ZZEF1: variants seen among roughly 807,000 people sequenced by gnomAD.
ZZEF1 encodes the protein zinc finger ZZ-type and EF-hand domain-containing protein 1.
In ZZEF1, 157 loss-of-function variants were observed where a neutral mutation model predicts 342.8. That is an observed-to-expected ratio of 0.46 (90% CI 0.40 to 0.52). ZZEF1 has a LOEUF of 0.52. ZZEF1 is among the 20% of genes least tolerant of loss of function. The pLI is 0.00. For synonymous variants in ZZEF1, 1,505 were observed against 1,429.1 expected, an observed-to-expected ratio of 1.05 and a Z score of -1.20; for missense variants, 3,480 against 3,725.6, an observed-to-expected ratio of 0.93 and a Z score of 1.72.
intron 12 of ZZEF1, among the ~76,000 whole-genome samples, chr17:4,089,171 T>C (rs1421517113): frequency 6.6e-6 from 1 of 152,128 alleles, no homozygotes; most frequent in Non-Finnish European, 1.5e-5. Flanking sequence ...GAATAGAGGA[T>C]GAAGAAAAGT....
intron 26 of ZZEF1, among the ~76,000 whole-genome samples, chr17:4,068,370 C>T (rs1257448712): frequency 6.6e-6 from 1 of 152,062 alleles, no homozygotes; most frequent in Non-Finnish European, 1.5e-5. Context: ...CTCTGCCTCC[C>T]GGGTTCAAGC....
At chr17:4,024,571 C>T (rs1210035067) in intron 43 of ZZEF1, among the ~76,000 whole-genome samples, 1 of 152,148 alleles carries the variant, frequency 6.6e-6, no homozygotes, top group Non-Finnish European at 1.5e-5. Context: ...CCCTAGGAGG[C>T]TAGCTCCCTC....
chr17:4,028,195 T>G (rs1472159941), intron 42 of ZZEF1, among the ~76,000 whole-genome samples: 1 of 152,198 alleles, frequency 6.6e-6, no homozygotes, highest in Non-Finnish European at 1.5e-5. Context: ...TTTGTGCTGT[T>G]ACACATTTTA....
chr17:4,083,206 A>T (rs554107702), intron 16 of ZZEF1, among the ~76,000 whole-genome samples: 1 of 152,266 alleles, frequency 6.6e-6, no homozygotes, highest in African/African-American at 2.4e-5. Context: ...GAAGGTTGGC[A>T]GTGCTATTTA....
At position 4,064,581 on chromosome 17, in the gene ZZEF1, T is replaced by C; in HGVS notation, c.4498A>G (p.Ser1500Gly). The C allele has an allele frequency of 1.2e-6, 2 of 1,614,134 alleles. No homozygotes were observed. Among genetic ancestry groups the C allele is most frequent in the Middle Eastern group, 1.6e-4 (1 of 6,062 alleles). ...ACGTCTGCAGCAGGAAGGCCACTGC[T>C]GGATGGCAGCTTTGGCTGGGTGCCC... The part of the protein sequence containing the change: ...GLGTQPKLPS[S>G]SGLPAADVSP... The change falls in exon 29 of 55, where the codon AGC becomes GGC. Residue 1500 changes from serine to glycine, a missense_variant. Ser to Gly is a moderately conservative substitution (Grantham distance 56). This residue lies in a region of ZZEF1 where 1,528 missense variants were observed against 1,624.1 expected (regional missense o/e 0.94). Transcript: ENST00000381638.
At position 4,104,648 on chromosome 17, in the gene ZZEF1, G is replaced by C. The variant is rs1159943677; in HGVS notation, c.1558C>G (p.Leu520Val). The C allele has an allele frequency of 7.4e-6, 12 of 1,613,882 alleles. No individual in the cohort carries two copies. The highest frequency in any genetic ancestry group is 1.0e-5 in the Non-Finnish European group (12 of 1,180,006). ...CCATATTTACCATATTTGAGGAGCA[G>C]GTTCTGTCTGACTGACGCCATGGAC... ...ILSMASVRQNLLLKYGKPLQL... is the reference protein window; with the variant it reads ...ILSMASVRQNVLLKYGKPLQL... Residue 520 changes from leucine to valine, a missense_variant, in exon 8 of 55, where the codon CTG becomes GTG. Physicochemically the swap from Leu to Val is conservative, Grantham distance 32 (BLOSUM62 1). Coordinates refer to ENST00000381638, the MANE Select transcript of ZZEF1 (RefSeq NM_015113.4).
intron 2 of ZZEF1, among the ~76,000 whole-genome samples, chr17:4,119,050 T>C (rs146982824): frequency 2.6e-5 from 4 of 152,364 alleles, no homozygotes; most frequent in African/African-American, 9.6e-5. Context: ...GGTATATTGC[T>C]GGCCTTGTCA....
At position 4,064,510 on chromosome 17, in the gene ZZEF1, G is replaced by A; in HGVS notation, c.4569C>T (p.Thr1523=). ...AEEPLSPSTP[T]RRPPFTRGRL... ...GCCCTCGGGTGAAGGGAGGCCGGCG[G>A]GTGGGTGTGGAAGGTGACAAGGGCT... is the stretch of plus-strand genomic sequence containing the variant. The change falls in exon 29 of 55, where the codon ACC becomes ACT. Residue 1523 remains threonine (T), a synonymous_variant. Coordinates refer to ENST00000381638, the MANE Select transcript of ZZEF1 (RefSeq NM_015113.4). 1 of 1,614,218 alleles carries A rather than the reference G, an allele frequency of 6.2e-7. No homozygotes were observed. Among genetic ancestry groups the A allele is most frequent in the Admixed American group, 1.7e-5 (1 of 60,030 alleles).
intron 5 of ZZEF1, 115 bp from the exon 6 acceptor site, chr17:4,109,978 C>T (rs1382133298): frequency 4.4e-6 from 4 of 903,224 alleles, no homozygotes; most frequent in East Asian, 5.2e-5. Context: ...TCTGAAGGTA[C>T]ACTTTGATGA....
At chr17:4,030,508 G>A (rs1469644122) in intron 42 of ZZEF1, among the ~76,000 whole-genome samples, 1 of 152,178 alleles carries the variant, frequency 6.6e-6, no homozygotes, top group Non-Finnish European at 1.5e-5. Context: ...TAGATTTGAT[G>A]CAATGCCAAT....
intron 42 of ZZEF1, among the ~76,000 whole-genome samples, chr17:4,029,918 A>G (rs1165896669): frequency 2.0e-5 from 3 of 150,080 alleles, no homozygotes; most frequent in Non-Finnish European, 4.4e-5. Flanking sequence ...AAAAGCAGCC[A>G]GGTGTGGTAA....
chr17:4,012,845 A>C (rs1412790522), intron 52 of ZZEF1, among the ~76,000 whole-genome samples: 2 of 152,250 alleles, frequency 1.3e-5, no homozygotes, highest in Non-Finnish European at 2.9e-5. Flanking sequence ...TAAAATTAAA[A>C]AATACCAATT....
rs2055812032 is a variant in ZZEF1, at chr17:4,006,860, G to A, written c.*30C>T. 2 of 1,560,420 alleles carry A rather than the reference G, an allele frequency of 1.3e-6. No homozygotes were observed. Among genetic ancestry groups the A allele is most frequent in the Non-Finnish European group, 1.7e-6 (2 of 1,150,478 alleles). ...CTGCTCTAAAATCCCTGTGGCAGAT[G>A]AACTAGTCCCATGCACGCCCCACCA... On this transcript the variant is annotated 3_prime_UTR_variant, in exon 55 of 55. Coordinates refer to ENST00000381638, the MANE Select transcript of ZZEF1 (RefSeq NM_015113.4).
intron 4 of ZZEF1, among the ~76,000 whole-genome samples, chr17:4,113,986 G>A (rs2058354979): frequency 6.6e-6 from 1 of 151,864 alleles, no homozygotes; most frequent in African/African-American, 2.4e-5. Flanking sequence ...AAAAAAAAAA[G>A]TAGAGAAAGG....
At chr17:4,033,689 A>G in intron 40 of ZZEF1, 1 of 306,208 alleles carries the variant, frequency 3.3e-6, no homozygotes, top group Non-Finnish European at 6.2e-6. Context: ...TGTTGTGGTT[A>G]TGTTACTTTT....
chr17:4,089,325 A>G (rs1023177617), intron 12 of ZZEF1, among the ~76,000 whole-genome samples: 7 of 152,202 alleles, frequency 4.6e-5, no homozygotes, highest in Non-Finnish European at 1.0e-4. Context: ...ACTCAAATCT[A>G]GGGCCATTTT....
chr17:4,027,138 CTT>C (rs759090328), intron 42 of ZZEF1, among the ~76,000 whole-genome samples: 8 of 152,106 alleles, frequency 5.3e-5, no homozygotes, highest in South Asian at 4.2e-4. Context: ...CTCTCTCTCT[CTT>C]GTTTTTTAGG....
intron 3 of ZZEF1, among the ~76,000 whole-genome samples, chr17:4,116,265 T>C (rs1249715850): frequency 6.6e-6 from 1 of 152,160 alleles, no homozygotes; most frequent in Non-Finnish European, 1.5e-5. Context: ...GCTGCAGAGA[T>C]CACGCCATTG....
At chr17:4,048,783 G>A (rs951134630) in intron 37 of ZZEF1, among the ~76,000 whole-genome samples, 4 of 151,964 alleles carry the variant, frequency 2.6e-5, no homozygotes, top group Non-Finnish European at 5.9e-5. Flanking sequence ...GCGCCATCTT[G>A]GCTCACTGCA....
Sources: gnomAD v4.1 joint callset for allele counts (sites outside exome capture counted in the v4.1 genomes callset) on GRCh38, gnomAD v4.1.1 for gene constraint, gnomAD v4.1.1 regional missense constraint, MANE v1.5 for transcripts, NCBI Gene and HGNC (gene_info 2026-07-23, HGNC 2026-07-21) for gene names.